The following ASIC2 variants were observed in gnomAD, a reference collection of about 807,000 sequenced individuals.
ASIC2 encodes the protein acid sensing ion channel subunit 2, also known as acid-sensing ion channel 2.
ASIC2 carries 25 observed loss-of-function variants against 57.3 expected under a neutral mutation model. That is an observed-to-expected ratio of 0.44 (90% CI 0.32 to 0.61). The LOEUF (loss-of-function observed/expected upper bound fraction) is 0.61, where lower values mean the gene tolerates loss of function less well. ASIC2 is among the 20% of genes least tolerant of loss of function. ASIC2 has a pLI of 0.06. For synonymous variants in ASIC2, 319 were observed against 307.5 expected, an observed-to-expected ratio of 1.04 and a Z score of -0.39; for missense variants, 641 against 738.1, an observed-to-expected ratio of 0.87 and a Z score of 1.52.
intron 1 of ASIC2, among the ~76,000 whole-genome samples, chr17:33,961,744 A>G (rs548506338): frequency 5.7e-4 from 87 of 151,674 alleles, no homozygotes; most frequent in African/African-American, 2.0e-3. Context: ...TTTGGGAGGG[A>G]AAAAAAAGTC....
intron 1 of ASIC2, among the ~76,000 whole-genome samples, chr17:33,602,422 C>T (rs879357852): frequency 1.3e-5 from 2 of 152,170 alleles, no homozygotes; most frequent in African/African-American, 4.8e-5. Context: ...TGGCCCCCTT[C>T]GCTCTCTCTC....
chr17:33,763,367 G>A (rs932416881), intron 1 of ASIC2, among the ~76,000 whole-genome samples: 20 of 152,192 alleles, frequency 1.3e-4, no homozygotes, highest in Non-Finnish European at 2.5e-4. Context: ...GGGCAGGAAA[G>A]GGTGGGATGC....
chr17:33,745,025 T>C (rs899065370), intron 1 of ASIC2, among the ~76,000 whole-genome samples: 3 of 152,000 alleles, frequency 2.0e-5, no homozygotes, highest in African/African-American at 7.2e-5. Context: ...GAAAATAAAA[T>C]AAAGAAAAAT....
chr17:33,208,092 G>A (rs1458896708), intron 1 of ASIC2, among the ~76,000 whole-genome samples: 1 of 152,196 alleles, frequency 6.6e-6, no homozygotes, highest in Admixed American at 6.5e-5. Flanking sequence ...GAAGTGAGAG[G>A]CTGTGTCCTA....
intron 4 of ASIC2, among the ~76,000 whole-genome samples, chr17:33,026,772 G>C (rs565733769): frequency 4.6e-5 from 7 of 152,176 alleles, no homozygotes; most frequent in African/African-American, 1.7e-4. Flanking sequence ...AGAAACCCAG[G>C]ATCTTTTCTT....
At chr17:33,444,854 G>A (rs1231169987) in intron 1 of ASIC2, among the ~76,000 whole-genome samples, 3 of 152,094 alleles carry the variant, frequency 2.0e-5, no homozygotes, top group African/African-American at 4.8e-5. Context: ...AAAAGTCGAC[G>A]GTTGGCAGGT....
intron 1 of ASIC2, chr17:33,794,611 A>C (rs1299229607): frequency 6.6e-6 from 1 of 152,188 alleles, no homozygotes; most frequent in African/African-American, 2.4e-5. Flanking sequence ...CCAAAATTCA[A>C]AAATTTAGAT....
intron 1 of ASIC2, among the ~76,000 whole-genome samples, chr17:33,577,856 G>C (rs1189716580): frequency 1.3e-5 from 2 of 152,126 alleles, no homozygotes; most frequent in Non-Finnish European, 2.9e-5. Context: ...CTCTCCAAAG[G>C]AGAGAAGAGA....
chr17:33,775,068 T>C (rs549451162), intron 1 of ASIC2, among the ~76,000 whole-genome samples: 1 of 152,296 alleles, frequency 6.6e-6, no homozygotes, highest in South Asian at 2.1e-4. Context: ...GACCTGAGCA[T>C]ACTGTGCAAG....
chr17:33,433,830 G>A (rs1482056119), intron 1 of ASIC2, among the ~76,000 whole-genome samples: 2 of 149,910 alleles, frequency 1.3e-5, no homozygotes, highest in Non-Finnish European at 3.0e-5. Context: ...CATGACACAA[G>A]TTTACCCACA....
chr17:33,109,551 G>A (rs928057519), intron 2 of ASIC2, among the ~76,000 whole-genome samples: 2 of 152,190 alleles, frequency 1.3e-5, no homozygotes, highest in African/African-American at 4.8e-5. Flanking sequence ...CAGCAGCAAC[G>A]AGACTGGAGT....
At chr17:33,158,611 C>A (rs1905076573) in intron 1 of ASIC2, among the ~76,000 whole-genome samples, 2 of 152,206 alleles carry the variant, frequency 1.3e-5, no homozygotes, top group African/African-American at 4.8e-5. Flanking sequence ...TGTTACCAAG[C>A]CTACTTCTCA....
intron 1 of ASIC2, among the ~76,000 whole-genome samples, chr17:33,135,019 T>C (rs895442833): frequency 8.5e-5 from 13 of 152,144 alleles, no homozygotes; most frequent in Non-Finnish European, 1.9e-4. Flanking sequence ...TTCAAACTCT[T>C]CACATTATAG....
chr17:33,142,273 A>G (rs1458875258), intron 1 of ASIC2, among the ~76,000 whole-genome samples: 3 of 152,222 alleles, frequency 2.0e-5, no homozygotes, highest in African/African-American at 7.2e-5. Context: ...GATGTTTGAG[A>G]CACCCAGCTC....
intron 1 of ASIC2, among the ~76,000 whole-genome samples, chr17:33,923,477 A>G (rs1261244882): frequency 1.3e-5 from 2 of 152,384 alleles, no homozygotes; most frequent in East Asian, 3.9e-4. Flanking sequence ...GGAAGAGACC[A>G]CAAGGAAGAA....
rs1016560506 is a variant in ASIC2 at position 33,310,743 on chromosome 17, C to T, written c.556-198676G>A. The stretch of plus-strand genomic sequence containing the variant: ...CGTCTTCTCTTGGAACATGCACCTG[C>T]TGATTTCAGTGATGTTTGCAGTACA... On this transcript the variant is annotated intron_variant, in intron 1 of 9. Coordinates refer to the ASIC2 transcript ENST00000359872. Among the ~76,000 whole-genome samples, 24 of 152,272 alleles carry T rather than the reference C, an allele frequency of 1.6e-4. No individual in the cohort carries two copies. The Middle Eastern group carries it at 0.01, about 65-fold the overall frequency.
chr17:33,126,856 CTTTTTTTTTT>C (rs1159710708), intron 1 of ASIC2, among the ~76,000 whole-genome samples: 2 of 85,326 alleles, frequency 2.3e-5, no homozygotes, highest in African/African-American at 4.8e-5. Flanking sequence ...TACCATTACT[CTTTTTTTTTT>C]TTTTTTTTTT....
intron 1 of ASIC2, among the ~76,000 whole-genome samples, chr17:33,508,714 G>A (rs1914341894): frequency 6.6e-6 from 1 of 152,230 alleles, no homozygotes. Flanking sequence ...GTTTGCTCAA[G>A]CTTGAAGCTG....
At chr17:33,835,272 C>T (rs1913240788) in intron 1 of ASIC2, among the ~76,000 whole-genome samples, 1 of 152,200 alleles carries the variant, frequency 6.6e-6, no homozygotes, top group Non-Finnish European at 1.5e-5. Flanking sequence ...CAGTTAATTG[C>T]AATGCAAACC....
Sources: gnomAD v4.1 joint callset for allele counts (sites outside exome capture counted in the v4.1 genomes callset) on GRCh38, gnomAD v4.1.1 for gene constraint, MANE v1.5 for transcripts, NCBI Gene and HGNC (gene_info 2026-07-23, HGNC 2026-07-21) for gene names.